Variants in SORCS3 observed in about 807,000 individuals in gnomAD.
SORCS3 encodes the protein sortilin related VPS10 domain containing receptor 3, also known as VPS10 domain-containing receptor SorCS3.
In SORCS3, 57 loss-of-function variants were observed where a neutral mutation model predicts 146.3. The ratio of observed to expected loss-of-function variants is 0.39; its 90% CI spans 0.31 to 0.49. SORCS3 has a LOEUF of 0.49. SORCS3 is among the 20% of genes least tolerant of loss of function. The pLI, the probability that SORCS3 is intolerant of heterozygous loss-of-function variation, is 0.92. For missense variants in SORCS3, 1,341 were observed against 1,575.5 expected, an observed-to-expected ratio of 0.85 and a Z score of 2.52; for synonymous variants, 653 against 618.5, an observed-to-expected ratio of 1.06 and a Z score of -0.83.
At chr10:105,045,642 G>C (rs1488661003) in intron 5 of SORCS3, among the ~76,000 whole-genome samples, 1 of 152,010 alleles carries the variant, frequency 6.6e-6, no homozygotes, top group Non-Finnish European at 1.5e-5. Context: ...TTATCTCCTT[G>C]AGAAAAGACA....
At chr10:105,185,006 T>G (rs552386851) in intron 14 of SORCS3, among the ~76,000 whole-genome samples, 39 of 152,240 alleles carry the variant, frequency 2.6e-4, no homozygotes, top group Non-Finnish European at 5.3e-4. Context: ...CACTCTATTC[T>G]CTGCTTCTAT....
At chr10:104,669,418 C>T (rs755543228) in intron 1 of SORCS3, among the ~76,000 whole-genome samples, 2 of 152,180 alleles carry the variant, frequency 1.3e-5, no homozygotes, top group East Asian at 3.9e-4. Flanking sequence ...CTACTTCCAG[C>T]CCTGACAACC....
chr10:105,242,254 A>G (rs2056828060), intron 20 of SORCS3, among the ~76,000 whole-genome samples: 1 of 141,308 alleles, frequency 7.1e-6, no homozygotes, highest in Non-Finnish European at 1.5e-5. Flanking sequence ...ATATATTTAT[A>G]CATATATTTA....
intron 4 of SORCS3, among the ~76,000 whole-genome samples, chr10:105,005,268 G>A (rs898113539): frequency 6.6e-6 from 1 of 152,182 alleles, no homozygotes; most frequent in African/African-American, 2.4e-5. Context: ...CATTCAGGTA[G>A]CCAACAGGTT....
intron 1 of SORCS3, among the ~76,000 whole-genome samples, chr10:104,757,580 T>C (rs991020217): frequency 2.0e-5 from 3 of 152,218 alleles, no homozygotes; most frequent in Non-Finnish European, 4.4e-5. Flanking sequence ...TGTGCTTGTG[T>C]ATTCAGAGGG....
chr10:104,964,780 T>C (rs139759019), intron 3 of SORCS3, among the ~76,000 whole-genome samples: 1 of 152,314 alleles, frequency 6.6e-6, no homozygotes, highest in East Asian at 1.9e-4. Context: ...AGTTTAGTAG[T>C]GTTAAGTACA....
intron 1 of SORCS3, among the ~76,000 whole-genome samples, chr10:104,680,802 C>T (rs1244106235): frequency 1.3e-5 from 2 of 152,234 alleles, no homozygotes; most frequent in South Asian, 4.1e-4. Context: ...CTGTAGGAAG[C>T]AGGCAAGCTG....
At chr10:104,737,043 C>T (rs1343033097) in intron 1 of SORCS3, among the ~76,000 whole-genome samples, 4 of 151,628 alleles carry the variant, frequency 2.6e-5, no homozygotes, top group Non-Finnish European at 5.9e-5. Context: ...GGTTTTTTGT[C>T]CTTGCGATAG....
intron 3 of SORCS3, among the ~76,000 whole-genome samples, chr10:104,974,426 AT>A (rs747238847): frequency 5.2e-4 from 79 of 152,110 alleles, no homozygotes; most frequent in Non-Finnish European, 8.7e-4. Flanking sequence ...TTCTTGTTTA[AT>A]TGATCCCTTT....
chr10:104,660,704 A>G (rs1259201954), intron 1 of SORCS3, among the ~76,000 whole-genome samples: 1 of 152,090 alleles, frequency 6.6e-6, no homozygotes, highest in Non-Finnish European at 1.5e-5. Context: ...CGTTTTAGGG[A>G]TGGTGACTCT....
At chr10:104,847,671 A>G (rs1686394491) in intron 2 of SORCS3, among the ~76,000 whole-genome samples, 1 of 152,192 alleles carries the variant, frequency 6.6e-6, no homozygotes, top group African/African-American at 2.4e-5. Flanking sequence ...GCAGTTGTCT[A>G]GGCATGAGAG....
intron 1 of SORCS3, among the ~76,000 whole-genome samples, chr10:104,652,100 A>G (rs527704016): frequency 6.6e-6 from 1 of 150,830 alleles, no homozygotes; most frequent in South Asian, 2.1e-4. Context: ...TGTGTTTTAA[A>G]TGGGTGCATT....
At chr10:105,065,415 A>T (rs945532792) in intron 5 of SORCS3, among the ~76,000 whole-genome samples, 10 of 151,924 alleles carry the variant, frequency 6.6e-5, no homozygotes, top group African/African-American at 2.2e-4. Flanking sequence ...CAAAAAAAAA[A>T]TCAGTCTGGG....
chr10:105,006,398 G>A (rs1463561068), intron 4 of SORCS3, among the ~76,000 whole-genome samples: 1 of 152,006 alleles, frequency 6.6e-6, no homozygotes, highest in East Asian at 1.9e-4. Context: ...ACTCACTTCT[G>A]GTTCATGTCA....
At chr10:104,725,689 C>A (rs2016620518) in intron 1 of SORCS3, among the ~76,000 whole-genome samples, 6 of 152,248 alleles carry the variant, frequency 3.9e-5, no homozygotes, top group Admixed American at 3.9e-4. Flanking sequence ...GTGACCCTCC[C>A]CCAGCCTCAC....
At chr10:104,881,791 G>A (rs2018632549) in intron 2 of SORCS3, among the ~76,000 whole-genome samples, 1 of 152,158 alleles carries the variant, frequency 6.6e-6, no homozygotes, top group Non-Finnish European at 1.5e-5. Context: ...ATCAGACTGC[G>A]ATGCTAGCAC....
intron 1 of SORCS3, among the ~76,000 whole-genome samples, chr10:104,650,360 A>G (rs746246682): frequency 1.3e-5 from 2 of 152,226 alleles, no homozygotes; most frequent in Admixed American, 6.5e-5. Context: ...GAAGGAGGGA[A>G]GATGAAAAGT....
chr10:105,245,684 T>C lies in SORCS3; in HGVS notation c.2992+19T>C, dbSNP rs372126627. ...GTTCATGGTAAGCCCTGAAAATTGT[T>C]CTGTGATGCTCCTTCCCGCTCAGTT... is the stretch of plus-strand genomic sequence containing the variant. On this transcript the variant is annotated intron_variant, in intron 21 of 26. Coordinates refer to ENST00000369701, the MANE Select transcript of SORCS3 (RefSeq NM_014978.3). 12 of 1,612,922 alleles carry C rather than the reference T, an allele frequency of 7.4e-6. No homozygotes were observed. In the African/African-American group the frequency reaches 1.1e-4, roughly 14 times the overall value.
chr10:104,832,120 A>C (rs2018007219), intron 1 of SORCS3, among the ~76,000 whole-genome samples: 1 of 152,220 alleles, frequency 6.6e-6, no homozygotes, highest in African/African-American at 2.4e-5. Flanking sequence ...AGAATAATTC[A>C]AACCGTCATT....
Sources: gnomAD v4.1 joint callset for allele counts (sites outside exome capture counted in the v4.1 genomes callset) on GRCh38, gnomAD v4.1.1 for gene constraint, MANE v1.5 for transcripts, NCBI Gene and HGNC (gene_info 2026-07-23, HGNC 2026-07-21) for gene names.